BMPR1A: variants seen among roughly 807,000 people sequenced by gnomAD.
The protein encoded by BMPR1A is bone morphogenetic protein receptor type-1A.
BMPR1A carries 7 observed loss-of-function variants against 66.0 expected under a neutral mutation model. The observed-to-expected ratio is 0.11, with a 90% CI of 0.06 to 0.20. The LOEUF is 0.20. BMPR1A is among the 10% of genes least tolerant of loss of function. The pLI is 1.00. For missense variants in BMPR1A, 408 were observed against 669.1 expected, an observed-to-expected ratio of 0.61 and a Z score of 4.31; for synonymous variants, 200 against 229.7, an observed-to-expected ratio of 0.87 and a Z score of 1.17.
chr10:86,779,691 C>T (rs1221280524), intron 1 of BMPR1A, among the ~76,000 whole-genome samples: 2 of 152,162 alleles, frequency 1.3e-5, no homozygotes, highest in Non-Finnish European at 2.9e-5. Context: ...GCTCAACCTC[C>T]TGGGCTTAGG....
chr10:86,898,842 G>A (rs1412327227), intron 5 of BMPR1A, among the ~76,000 whole-genome samples: 4 of 152,092 alleles, frequency 2.6e-5, no homozygotes, highest in African/African-American at 9.7e-5. Flanking sequence ...AGACTCTCCA[G>A]TTTAACCCTA....
intron 1 of BMPR1A, among the ~76,000 whole-genome samples, chr10:86,809,214 A>G (rs1841932141): frequency 1.3e-5 from 2 of 152,186 alleles, no homozygotes; most frequent in Admixed American, 6.5e-5. Context: ...TTCCAGTTGC[A>G]TTAAGTATAT....
intron 1 of BMPR1A, among the ~76,000 whole-genome samples, chr10:86,789,155 A>G (rs931017223): frequency 6.6e-6 from 1 of 152,238 alleles, no homozygotes; most frequent in Non-Finnish European, 1.5e-5. Context: ...AAAATGAATC[A>G]AAAACCTAAA....
intron 2 of BMPR1A, among the ~76,000 whole-genome samples, chr10:86,858,223 A>G (rs537204022): frequency 6.6e-6 from 1 of 152,358 alleles, no homozygotes; most frequent in African/African-American, 2.4e-5. Context: ...ACCTCTCAGC[A>G]AACTAGGAAG....
intron 2 of BMPR1A, among the ~76,000 whole-genome samples, chr10:86,867,406 C>T (rs1842800048): frequency 6.6e-6 from 1 of 152,232 alleles, no homozygotes. Flanking sequence ...GACCCTCTCC[C>T]TTTCCAGACA....
chr10:86,835,549 C>CAAAAAAAAAAAAAAAAAAAAAAA lies in BMPR1A; in HGVS notation c.-267-3299_-267-3277dup, dbSNP rs55804247. ...CTGGGTGACAAGCAAGACTCTGTAT[C>CAAAAAAAAAAAAAAAAAAAAAAA]AAAAAAAAAAAAAAAAAAAAAAAAA... On this transcript the variant is annotated intron_variant, in intron 1 of 12. Coordinates refer to ENST00000372037, the MANE Select transcript of BMPR1A (RefSeq NM_004329.3). Among the ~76,000 whole-genome samples, 9 of 44,338 alleles carry CAAAAAAAAAAAAAAAAAAAAAAA rather than the reference C, an allele frequency of 2.0e-4. 1 individual carries two copies. The highest frequency in any genetic ancestry group is 6.5e-4 in the Admixed American group (2 of 3,062). The allele number at this position is 44,338 out of a possible 152,430, so 29.1% of individuals were successfully genotyped here. A position where few individuals can be genotyped will look rare whatever the true frequency, so the allele number is the denominator to read the frequency against.
chr10:86,812,073 A>T (rs886710462), intron 1 of BMPR1A, among the ~76,000 whole-genome samples: 2 of 151,978 alleles, frequency 1.3e-5, no homozygotes, highest in Admixed American at 1.3e-4. Flanking sequence ...GAAAAAAAAA[A>T]ACCCTAAAAA....
Position 86,875,943 on chromosome 10 carries a change from A to G in BMPR1A, c.-76A>G, listed in dbSNP as rs1184063019. On this transcript the variant is annotated 5_prime_UTR_variant, in exon 3 of 13. Transcript: ENST00000372037. ...TTTTACAAGAAAATCTCACTGAATGATAGTCATTTAAATTGGTGAAGTAGC... is the reference window on the plus strand; with the variant it reads ...TTTTACAAGAAAATCTCACTGAATGGTAGTCATTTAAATTGGTGAAGTAGC... 20 of 1,210,566 alleles carry G rather than the reference A, an allele frequency of 1.7e-5. No individual in the cohort carries two copies. The highest frequency in any genetic ancestry group is 2.4e-5 in the Non-Finnish European group (20 of 817,122). The allele number at this position is 1,210,566 out of a possible 1,614,324, so 75.0% of individuals were successfully genotyped here. A position where few individuals can be genotyped will look rare whatever the true frequency, so the allele number is the denominator to read the frequency against.
At chr10:86,864,351 T>A (rs531324453) in intron 2 of BMPR1A, among the ~76,000 whole-genome samples, 2 of 152,254 alleles carry the variant, frequency 1.3e-5, no homozygotes, top group African/African-American at 4.8e-5. Flanking sequence ...AGTTTCTGCC[T>A]CCACTATTGC....
At chr10:86,901,423 C>T (rs532135487) in intron 7 of BMPR1A, among the ~76,000 whole-genome samples, 12 of 152,296 alleles carry the variant, frequency 7.9e-5, no homozygotes, top group Non-Finnish European at 1.3e-4. Context: ...TTATTGTCAC[C>T]CTCAACTTTA....
intron 2 of BMPR1A, among the ~76,000 whole-genome samples, chr10:86,864,227 C>G (rs937330701): frequency 1.3e-5 from 2 of 152,196 alleles, no homozygotes; most frequent in Admixed American, 6.5e-5. Flanking sequence ...CACTAGTTTT[C>G]TTTATCCCCA....
intron 1 of BMPR1A, among the ~76,000 whole-genome samples, chr10:86,784,242 A>G (rs1041190131): frequency 2.0e-5 from 3 of 151,990 alleles, no homozygotes; most frequent in Admixed American, 6.6e-5. Context: ...CTTTTTATGT[A>G]TGGTCTTTAT....
At chr10:86,920,856 CTT>C (rs397774280) in intron 10 of BMPR1A, among the ~76,000 whole-genome samples, 4 of 122,186 alleles carry the variant, frequency 3.3e-5, no homozygotes, top group Non-Finnish European at 5.1e-5. Flanking sequence ...CTTTTCTTTT[CTT>C]TTTTTTTTTT....
At chr10:86,883,120 C>T (rs1843014320) in intron 3 of BMPR1A, among the ~76,000 whole-genome samples, 1 of 152,098 alleles carries the variant, frequency 6.6e-6, no homozygotes, top group Admixed American at 6.6e-5. Context: ...TCCTCTCTAC[C>T]CCCATGCACT....
chr10:86,846,558 G>A (rs1177956011), intron 2 of BMPR1A, among the ~76,000 whole-genome samples: 2 of 152,022 alleles, frequency 1.3e-5, no homozygotes, highest in Admixed American at 6.5e-5. Flanking sequence ...AAAATTAGCC[G>A]GGCATGGTGG....
intron 8 of BMPR1A, among the ~76,000 whole-genome samples, chr10:86,915,676 T>G (rs941332172): frequency 6.6e-6 from 1 of 152,080 alleles, no homozygotes; most frequent in Admixed American, 6.5e-5. Context: ...TGCAGTGAGC[T>G]GAGATTGGCC....
At chr10:86,857,072 A>G (rs952739884) in intron 2 of BMPR1A, among the ~76,000 whole-genome samples, 2 of 152,162 alleles carry the variant, frequency 1.3e-5, no homozygotes, top group Non-Finnish European at 2.9e-5. Context: ...TACCTGAGCT[A>G]TGGTGTGTGT....
chr10:86,862,435 C>G (rs1842723924), intron 2 of BMPR1A, among the ~76,000 whole-genome samples: 1 of 152,104 alleles, frequency 6.6e-6, no homozygotes, highest in African/African-American at 2.4e-5. Flanking sequence ...GAGACTTTAG[C>G]TTTTTGTCTG....
chr10:86,912,105 AT>A, intron 7 of BMPR1A, 134 bp from the exon 8 acceptor site: 1 of 916,230 alleles, frequency 1.1e-6, no homozygotes. Flanking sequence ...AACAGGATAT[AT>A]TATCCAATGA....
Sources: allele counts gnomAD v4.1 joint callset (sites outside exome capture counted in the v4.1 genomes callset), GRCh38; gene constraint gnomAD v4.1.1; transcripts MANE v1.5; gene names NCBI Gene and HGNC (gene_info 2026-07-23, HGNC 2026-07-21).